Variants in GALNT11 observed in about 807,000 individuals in gnomAD.
GALNT11 encodes polypeptide N-acetylgalactosaminyltransferase 11.
A neutral mutation model predicts 72.7 loss-of-function variants in GALNT11; 47 were observed. That is an observed-to-expected ratio of 0.65 (90% CI 0.51 to 0.82). The LOEUF is 0.82. Ranked by LOEUF, GALNT11 falls within the 40% of genes least tolerant of loss-of-function variation. The pLI is 0.00. For synonymous variants in GALNT11, 270 were observed against 286.6 expected (o/e 0.94, Z 0.58); for missense variants, 677 against 778.4 (o/e 0.87, Z 1.55).
Position 152,105,338 on chromosome 7 carries a change from G to A in GALNT11, c.680G>A (p.Arg227Gln), listed in dbSNP as rs1405444457. The part of the protein sequence containing the change: ...IRNTKREGLI[R>Q]GRMIGAAHAT... ...AATACAAAGCGTGAGGGGTTGATTC[G>A]AGGGAGAATGATTGGCGCGGCCCAC... The change falls in exon 5 of 12, where the codon CGA (arginine) becomes CAA (glutamine). Residue 227 changes from arginine (R) to glutamine (Q), a missense_variant. Arg to Gln is a conservative substitution (Grantham distance 43). Transcript: ENST00000430044. The A allele has an allele frequency of 3.1e-6, 5 of 1,613,942 alleles. No individual in the cohort carries two copies. Among genetic ancestry groups the A allele is most frequent in the Non-Finnish European group, 3.4e-6 (4 of 1,179,940 alleles).
At chr7:152,068,104 G>A (rs766003206) in intron 1 of GALNT11, among the ~76,000 whole-genome samples, 2 of 152,078 alleles carry the variant, frequency 1.3e-5, no homozygotes, top group Non-Finnish European at 2.9e-5. Context: ...ACTGGATCAT[G>A]TATCTGCCTC....
chr7:152,044,413 A>G (rs891772045), intron 1 of GALNT11, among the ~76,000 whole-genome samples: 2 of 152,142 alleles, frequency 1.3e-5, no homozygotes, highest in African/African-American at 4.8e-5. Context: ...ATTCTGGTAA[A>G]CCGACAGCCT....
At chr7:152,070,767 C>A (rs1412796021) in intron 1 of GALNT11, among the ~76,000 whole-genome samples, 1 of 152,126 alleles carries the variant, frequency 6.6e-6, no homozygotes, top group Non-Finnish European at 1.5e-5. Context: ...TCTGAGGGGA[C>A]CATTATCGGG....
intron 1 of GALNT11, among the ~76,000 whole-genome samples, chr7:152,033,639 C>G (rs1472161620): frequency 6.6e-6 from 1 of 152,176 alleles, no homozygotes; most frequent in East Asian, 1.9e-4. Flanking sequence ...GATTTTCTTC[C>G]TTTCCTTGAG....
chr7:152,099,989 C>T (rs1456285254), intron 2 of GALNT11, among the ~76,000 whole-genome samples: 4 of 139,968 alleles, frequency 2.9e-5, no homozygotes, highest in South Asian at 4.6e-4. Context: ...GACAAGGTCT[C>T]GCTGTGTTGC....
intron 7 of GALNT11, among the ~76,000 whole-genome samples, chr7:152,110,863 T>TG (rs1273557422): frequency 6.6e-6 from 1 of 151,476 alleles, no homozygotes; most frequent in Non-Finnish European, 1.5e-5. Flanking sequence ...CCTGATTAGC[T>TG]GGGACTACAG....
intron 1 of GALNT11, among the ~76,000 whole-genome samples, chr7:152,026,351 G>C (rs1308762484): frequency 2.0e-5 from 3 of 152,200 alleles, no homozygotes; most frequent in African/African-American, 7.2e-5. Flanking sequence ...TGGGAGCTGC[G>C]TCAGGCAAAC....
chr7:152,109,809 C>T (rs538688212), intron 6 of GALNT11, among the ~76,000 whole-genome samples: 152 of 152,296 alleles, frequency 1.0e-3, no homozygotes, highest in African/African-American at 3.6e-3. Flanking sequence ...GCTTGGGCCA[C>T]TAGAATCCAC....
chr7:152,027,136 C>G (rs1482817160), intron 1 of GALNT11, among the ~76,000 whole-genome samples: 2 of 152,062 alleles, frequency 1.3e-5, no homozygotes, highest in African/African-American at 4.8e-5. Context: ...GTAATCCCAG[C>G]TACTTGGGAG....
chr7:152,108,326 C>T, intron 6 of GALNT11, 39 bp downstream of exon 6: 1 of 1,579,884 alleles, frequency 6.3e-7, no homozygotes, highest in Non-Finnish European at 8.6e-7. Context: ...CCTACCAGTG[C>T]TTCCTTAAAA....
At chr7:152,120,553 T>C (rs1221858765) in intron 10 of GALNT11, 1 of 347,914 alleles carries the variant, frequency 2.9e-6, no homozygotes, top group Non-Finnish European at 5.4e-6. Flanking sequence ...AGTTATGTAA[T>C]TGTTAAACCC....
chr7:152,096,820 G>C (rs1170720291), intron 2 of GALNT11, among the ~76,000 whole-genome samples: 1 of 151,898 alleles, frequency 6.6e-6, no homozygotes, highest in Non-Finnish European at 1.5e-5. Context: ...TATAAAGAAT[G>C]CTTGTTTGTA....
intron 6 of GALNT11, among the ~76,000 whole-genome samples, chr7:152,110,304 T>C (rs2088043583): frequency 6.6e-6 from 1 of 152,236 alleles, no homozygotes; most frequent in Admixed American, 6.5e-5. Flanking sequence ...CTTTCGAGAC[T>C]TAGAAAAGTA....
At position 152,094,305 on chromosome 7, in the gene GALNT11, T is replaced by G; in HGVS notation, c.78T>G (p.Val26=). The change falls in exon 2 of 12, where the codon GTT becomes GTG. Residue 26 remains valine, a synonymous_variant. Transcript: ENST00000430044. The surrounding 1 kb of genome is among the most constrained non-coding windows in gnomAD (Gnocchi z 4.3). The part of the protein sequence containing the change: ...TSATWTVLLF[V]YFNFSEVTQP... ...CGACCTGGACAGTTTTGCTTTTTGT[T>G]TATTTCAACTTCAGTGAAGTGACTC... 6.2e-7 allele frequency: 1 copy of G among 1,614,170 alleles called. No homozygotes were observed. The highest frequency in any genetic ancestry group is 8.5e-7 in the Non-Finnish European group (1 of 1,180,024).
chr7:152,069,562 T>C (rs909799821), intron 1 of GALNT11, among the ~76,000 whole-genome samples: 1 of 152,222 alleles, frequency 6.6e-6, no homozygotes, highest in Non-Finnish European at 1.5e-5. Flanking sequence ...ATATTTTTCT[T>C]AGTTTTGCCT....
At chr7:152,050,568 C>T (rs1025586813) in intron 1 of GALNT11, among the ~76,000 whole-genome samples, 1 of 152,128 alleles carries the variant, frequency 6.6e-6, no homozygotes, top group African/African-American at 2.4e-5. Flanking sequence ...CCTGGAGCTG[C>T]GAGCTGCACT....
chr7:152,072,149 A>G (rs908842567), intron 1 of GALNT11, among the ~76,000 whole-genome samples: 3 of 151,652 alleles, frequency 2.0e-5, no homozygotes, highest in African/African-American at 7.3e-5. Context: ...ATGAAACCCC[A>G]TCTCTACTAA....
chr7:152,105,034 C>A, intron 4 of GALNT11: 1 of 408,918 alleles, frequency 2.4e-6, no homozygotes, highest in Non-Finnish European at 4.3e-6. Flanking sequence ...AGTAAGTATT[C>A]CTCTTTGCTA....
chr7:152,027,775 A>G (rs1459814149), intron 1 of GALNT11: 2 of 162,490 alleles, frequency 1.2e-5, no homozygotes, highest in Non-Finnish European at 2.6e-5. Context: ...TCTGATGTTC[A>G]GATGTGTCCA....
Sources: allele counts gnomAD v4.1 joint callset (sites outside exome capture counted in the v4.1 genomes callset), GRCh38; gene constraint gnomAD v4.1.1; non-coding constraint Gnocchi (gnomAD v3.1); transcripts MANE v1.5; gene names NCBI Gene and HGNC (gene_info 2026-07-23, HGNC 2026-07-21).